The following TBL1X variants were observed in gnomAD, a reference collection of about 807,000 sequenced individuals.
TBL1X encodes transducin beta like 1 X-linked.
Under a neutral mutation model 50.7 loss-of-function variants are expected in TBL1X, and 10 were observed. The observed-to-expected ratio is 0.20, with a 90% CI of 0.12 to 0.33. The LOEUF is 0.33. Ranked by LOEUF, TBL1X falls within the 10% of genes least tolerant of loss-of-function variation. TBL1X has a pLI of 1.00. For missense variants in TBL1X, 340 were observed against 504.4 expected (o/e 0.67, Z 3.12); for synonymous variants, 190 against 214.7 (o/e 0.88, Z 1.01).
intron 2 of TBL1X, among the ~76,000 whole-genome samples, chrX:9,587,203 C>T (rs1165450999): frequency 8.9e-6 from 1 of 111,930 alleles, no homozygotes; most frequent in Non-Finnish European, 1.9e-5. Flanking sequence ...GATGGCAGGG[C>T]GGAAACCCAT....
chrX:9,537,692 CTG>C (rs2082195780), intron 2 of TBL1X, among the ~76,000 whole-genome samples: 1 of 112,963 alleles, frequency 8.9e-6, no homozygotes, highest in Admixed American at 9.3e-5. Context: ...GGACTACACT[CTG>C]TTTATCCACT....
chrX:9,553,754 G>A (rs2082281982), intron 2 of TBL1X, among the ~76,000 whole-genome samples: 1 of 111,966 alleles, frequency 8.9e-6, no homozygotes. Context: ...GTGGTTTTTT[G>A]AAGAACATTG....
At chrX:9,467,877 G>A (rs188031258) in intron 1 of TBL1X, among the ~76,000 whole-genome samples, 2 of 112,147 alleles carry the variant, frequency 1.8e-5, no homozygotes, top group Non-Finnish European at 1.9e-5. Context: ...GCTGAGGAGA[G>A]ACGTTTCAGA....
rs2083289080 is a variant in TBL1X at position 9,717,957 on chromosome X, G to A, written c.*1711G>A. On this transcript the variant is annotated 3_prime_UTR_variant, in exon 18 of 18. Coordinates refer to ENST00000645353, the MANE Select transcript of TBL1X (RefSeq NM_005647.4). ...AATTAAACAAGGCTTTGTGTTCCTA[G>A]AAGAGCTTCATTTCAGTGAATCTGG... The A allele has an allele frequency of 9.0e-6, 1 of 111,330 alleles. No individual in the cohort carries two copies. Among genetic ancestry groups the A allele is most frequent in the African/African-American group, 3.3e-5 (1 of 30,613 alleles). The allele number at this position is 111,330 out of a possible 1,213,427, so 9.2% of individuals were successfully genotyped here.
intron 1 of TBL1X, among the ~76,000 whole-genome samples, chrX:9,467,813 G>A (rs1487227112): frequency 1.8e-5 from 2 of 111,849 alleles, no homozygotes; most frequent in Non-Finnish European, 3.8e-5. Context: ...AGAAAAGCTG[G>A]ATATGGGAAG....
At chrX:9,492,838 G>GGGGTGT (rs2081951364) in intron 1 of TBL1X, among the ~76,000 whole-genome samples, 1 of 56,969 alleles carries the variant, frequency 1.8e-5, no homozygotes, top group Admixed American at 2.2e-4. Flanking sequence ...GGGGCTAGAG[G>GGGGTGT]GTGTGTGTGT....
Position 9,630,936 on chromosome X carries a change from A to G in TBL1X, c.-130-9337A>G, listed in dbSNP as rs941868835. Among the ~76,000 whole-genome samples the G allele has an allele frequency of 2.7e-5, 3 of 111,815 alleles. No individual in the cohort carries two copies. The Admixed American group carries it at 2.9e-4, about 11-fold the overall frequency. On this transcript the variant is annotated intron_variant, in intron 2 of 17. Transcript: ENST00000645353. ...TGGATACAGAGGGCTGGCTGTTCAT[A>G]TTTTCAAAGACTATATATCAACAAC... is the stretch of plus-strand genomic sequence containing the variant.
At chrX:9,606,245 C>T (rs994659644) in intron 2 of TBL1X, among the ~76,000 whole-genome samples, 23 of 111,878 alleles carry the variant, frequency 2.1e-4, no homozygotes, top group African/African-American at 5.5e-4. Context: ...CCAGGGCTCA[C>T]GGGGACCGAC....
chrX:9,643,253 C>T (rs1187307080), intron 3 of TBL1X, among the ~76,000 whole-genome samples: 1 of 110,907 alleles, frequency 9.0e-6, no homozygotes, highest in Non-Finnish European at 1.9e-5. Context: ...GGTAGAGGCC[C>T]GGGATGCTGT....
chrX:9,566,966 C>T (rs950904092), intron 2 of TBL1X, among the ~76,000 whole-genome samples: 1 of 111,570 alleles, frequency 9.0e-6, no homozygotes, highest in African/African-American at 3.3e-5. Flanking sequence ...TAATTGGGAG[C>T]ACAATGGGGC....
intron 11 of TBL1X, among the ~76,000 whole-genome samples, chrX:9,695,936 T>C (rs777789626): frequency 7.1e-5 from 8 of 112,419 alleles, no homozygotes; most frequent in Non-Finnish European, 1.5e-4. Flanking sequence ...TGTTAGTCTC[T>C]TGGGCTGGGT....
In TBL1X at chrX:9,513,363, G is replaced by T. The variant is rs760558039; in HGVS notation, c.-131+11514G>T. Among the ~76,000 whole-genome samples the T allele has an allele frequency of 1.7e-4, 19 of 110,682 alleles. No homozygotes were observed. The South Asian group carries it at 7.4e-3, about 43-fold the overall frequency. On this transcript the variant is annotated intron_variant, in intron 2 of 17. Transcript: ENST00000645353. ...GTGGCCTGATGGTGTACTCCAGTGG[G>T]GGGGTGCAGAAGATTTGGAGGGATC...
At chrX:9,488,693 T>A (rs1056448068) in intron 1 of TBL1X, among the ~76,000 whole-genome samples, 6 of 112,141 alleles carry the variant, frequency 5.4e-5, no homozygotes, top group Non-Finnish European at 1.1e-4. Flanking sequence ...AAGGACAGAC[T>A]TACTTCCTTT....
At chrX:9,588,293 G>A (rs1230190755) in intron 2 of TBL1X, among the ~76,000 whole-genome samples, 3 of 111,356 alleles carry the variant, frequency 2.7e-5, no homozygotes, top group Non-Finnish European at 5.6e-5. Context: ...AGGGGTCCTG[G>A]ACCCATCCCC....
At chrX:9,614,436 C>T (rs773386442) in intron 2 of TBL1X, among the ~76,000 whole-genome samples, 2 of 111,394 alleles carry the variant, frequency 1.8e-5, no homozygotes, top group South Asian at 3.8e-4. Context: ...TTGATGCACA[C>T]CTGTAGTCCT....
In TBL1X at chrX:9,493,056, C is replaced by T. The variant is rs141798825; in HGVS notation, c.-200-8724C>T. Reference sequence around the variant, plus strand: ...CTGGGAGTGTGATAGAGAGATATTCCGCTGGTTATTTCCCTCCACCTGCTT... The same window carrying T: ...CTGGGAGTGTGATAGAGAGATATTCTGCTGGTTATTTCCCTCCACCTGCTT... On this transcript the variant is annotated intron_variant, in intron 1 of 17. Coordinates refer to ENST00000645353, the MANE Select transcript of TBL1X (RefSeq NM_005647.4). 4.3e-4 allele frequency among the ~76,000 whole-genome samples: 48 copies of T among 111,118 alleles called. No homozygotes were observed. In the East Asian group the frequency reaches 6.8e-3, roughly 16 times the overall value.
intron 13 of TBL1X, among the ~76,000 whole-genome samples, chrX:9,708,283 G>C (rs1216808664): frequency 3.6e-5 from 4 of 112,227 alleles, no homozygotes; most frequent in Non-Finnish European, 7.5e-5. Flanking sequence ...GTGGTCCCCA[G>C]GTGTCCTGAG....
At position 9,719,636 on chromosome X, in the gene TBL1X, G is replaced by GA. The variant is rs60398258; in HGVS notation, c.*3403dup. The GA allele has an allele frequency of 0.016, 1,582 of 101,523 alleles. 8 individuals carry two copies. Among genetic ancestry groups the GA allele is most frequent in the Non-Finnish European group, 0.023 (1,117 of 49,492 alleles). 8.4% of individuals were successfully genotyped at this position (101,523 alleles called of 1,213,427 possible). A position where few individuals can be genotyped will look rare whatever the true frequency, so the allele number is the denominator to read the frequency against. The stretch of plus-strand genomic sequence containing the variant: ...TGTACTCACCCTCACGCTCTTTGAA[G>GA]AAAAAAAAAAAAATCACCTTGTGTG... On this transcript the variant is annotated 3_prime_UTR_variant, in exon 18 of 18. Transcript: ENST00000645353.
intron 2 of TBL1X, among the ~76,000 whole-genome samples, chrX:9,630,874 C>G (rs1382768200): frequency 1.8e-5 from 2 of 112,406 alleles, no homozygotes; most frequent in African/African-American, 6.5e-5. Context: ...CCACACCTGG[C>G]CTTAAAAATA....
Sources: allele counts gnomAD v4.1 joint callset (sites outside exome capture counted in the v4.1 genomes callset), GRCh38; gene constraint gnomAD v4.1.1; transcripts MANE v1.5; gene names NCBI Gene and HGNC (gene_info 2026-07-23, HGNC 2026-07-21).